XRRA1: variants seen among roughly 807,000 people sequenced by gnomAD.
XRRA1 encodes the protein X-ray radiation resistance-associated protein 1.
In XRRA1, 69 loss-of-function variants were observed where a neutral mutation model predicts 80.2. The ratio of observed to expected loss-of-function variants is 0.86; its 90% CI spans 0.71 to 1.05. The LOEUF (loss-of-function observed/expected upper bound fraction) is 1.05, where lower values mean the gene tolerates loss of function less well. Among genes scored for constraint, XRRA1 ranks in the 50% least tolerant of loss-of-function variants. The probability of loss-of-function intolerance (pLI) is 0.00; values close to 1 mark genes in which losing one functional copy is unlikely to be tolerated. For missense variants in XRRA1, 967 were observed against 976.4 expected, an observed-to-expected ratio of 0.99 and a Z score of 0.13; for synonymous variants, 348 against 389.9, an observed-to-expected ratio of 0.89 and a Z score of 1.27.
Position 74,906,299 on chromosome 11 carries a change from C to G in XRRA1, c.943G>C (p.Asp315His), listed in dbSNP as rs1040975536. The G allele has an allele frequency of 1.2e-5, 19 of 1,613,860 alleles. No homozygotes were observed. Among genetic ancestry groups the G allele is most frequent in the Non-Finnish European group, 1.6e-5 (19 of 1,179,884 alleles). The change falls in exon 10 of 19, where the codon GAC becomes CAC. Residue 315 changes from aspartate to histidine, a missense_variant. Asp to His is a moderately conservative substitution (Grantham distance 81). Coordinates refer to ENST00000684022, the MANE Select transcript of XRRA1 (RefSeq NM_001378157.1). ...GTATAATCCAGTTGCTCATCTGAGTCCTCAAGCATCCTTGGCTTGGACTGC... is the reference window on the plus strand; with the variant it reads ...GTATAATCCAGTTGCTCATCTGAGTGCTCAAGCATCCTTGGCTTGGACTGC... ...MLQSKPRMLE[D>H]SDEQLDYTVL... is the part of the protein sequence containing the mutation.
At position 74,841,549 on chromosome 11, in the gene XRRA1, C is replaced by T. The variant is rs568400291; in HGVS notation, c.*1651G>A. On this transcript the variant is annotated 3_prime_UTR_variant, in exon 19 of 19. Coordinates refer to ENST00000684022, the MANE Select transcript of XRRA1 (RefSeq NM_001378157.1). ...TTTTTCCTCTTAAGAAAAAAATTTA[C>T]TCTCTCTCCTTTGTGAGTAAATGCC... The T allele has an allele frequency of 2.6e-5, 4 of 152,234 alleles. No individual in the cohort carries two copies. Among genetic ancestry groups the T allele is most frequent in the African/African-American group, 9.6e-5 (4 of 41,540 alleles). The allele number at this position is 152,234 out of a possible 1,614,324, so 9.4% of individuals were successfully genotyped here.
chr11:74,884,307 C>T (rs929460580), intron 10 of XRRA1, among the ~76,000 whole-genome samples: 9 of 152,216 alleles, frequency 5.9e-5, no homozygotes, highest in African/African-American at 2.2e-4. Flanking sequence ...GCATGTCCAA[C>T]ATAGAGGCTC....
Position 74,920,004 on chromosome 11 carries a change from TG to T in XRRA1, c.656+1209del, listed in dbSNP as rs1464661314. 608 of 83,034 alleles carry T rather than the reference TG, an allele frequency of 7.3e-3. 8 individuals carry two copies. The Middle Eastern group carries it at 0.083, about 11-fold the overall frequency. 5.1% of individuals were successfully genotyped at this position (83,034 alleles called of 1,614,324 possible). A position where few individuals can be genotyped will look rare whatever the true frequency, so the allele number is the denominator to read the frequency against. On this transcript the variant is annotated intron_variant, in intron 8 of 18. Transcript: ENST00000684022. Reference sequence around the variant, plus strand: ...ACTATATCAAACAAAGTTATAAAACTGCAAAAAAAAAAAAAAAAATGAAGCC... The same window carrying T: ...ACTATATCAAACAAAGTTATAAAACTCAAAAAAAAAAAAAAAAATGAAGCC...
intron 10 of XRRA1, among the ~76,000 whole-genome samples, chr11:74,895,806 C>G (rs1239643520): frequency 1.3e-5 from 2 of 152,270 alleles, no homozygotes; most frequent in East Asian, 3.9e-4. Flanking sequence ...TTTCTAAACA[C>G]ACTCTTGGCC....
At chr11:74,879,563 C>T (rs1222802587) in intron 10 of XRRA1, among the ~76,000 whole-genome samples, 4 of 152,064 alleles carry the variant, frequency 2.6e-5, no homozygotes, top group African/African-American at 7.2e-5. Flanking sequence ...GGGAATGCTT[C>T]CAGTTTCTGC....
At chr11:74,887,944 C>T (rs1172275796) in intron 10 of XRRA1, among the ~76,000 whole-genome samples, 4 of 152,142 alleles carry the variant, frequency 2.6e-5, no homozygotes, top group South Asian at 2.1e-4. Flanking sequence ...CTGGGTAGAG[C>T]CCGCCGCAAC....
Position 74,845,395 on chromosome 11 carries a change from A to C in XRRA1, c.1729-124T>G, listed in dbSNP as rs879175372. The C allele has an allele frequency of 4.4e-6, 4 of 912,296 alleles. No individual in the cohort carries two copies. The South Asian group carries it at 7.0e-5, about 16-fold the overall frequency. The allele number at this position is 912,296 out of a possible 1,614,324, so 56.5% of individuals were successfully genotyped here. ...TGTTAAGGGCAAGGGTAAGACCAAG[A>C]CTGGGATGGAAGAAAGCAGATATAA... On this transcript the variant is annotated intron_variant, in intron 15 of 18. Transcript: ENST00000684022.
intron 4 of XRRA1, among the ~76,000 whole-genome samples, chr11:74,935,531 A>T (rs1565443271): frequency 6.6e-6 from 1 of 152,180 alleles, no homozygotes. Flanking sequence ...CAGATTTGAC[A>T]ACTATCTTGT....
intron 8 of XRRA1, chr11:74,910,107 A>G (rs538720350): frequency 6.6e-6 from 1 of 152,388 alleles, no homozygotes; most frequent in East Asian, 1.9e-4. Context: ...GGGCTGCAAC[A>G]AACAAGATGA....
chr11:74,910,159 T>C (rs960910043), intron 8 of XRRA1: 1 of 152,184 alleles, frequency 6.6e-6, no homozygotes, highest in Non-Finnish European at 1.5e-5. Context: ...TCAGATCAGC[T>C]TCTGTGTTAA....
chr11:74,931,138 G>GTT (rs1182654724), intron 5 of XRRA1, among the ~76,000 whole-genome samples: 1 of 151,268 alleles, frequency 6.6e-6, no homozygotes, highest in East Asian at 1.9e-4. Flanking sequence ...ATACGTGTGT[G>GTT]TGTGTGTGTG....
At chr11:74,872,815 CCTT>C (rs2045154289) in intron 10 of XRRA1, among the ~76,000 whole-genome samples, 1 of 152,138 alleles carries the variant, frequency 6.6e-6, no homozygotes, top group African/African-American at 2.4e-5. Context: ...GGAAGGTGGA[CCTT>C]CTTCTAGACA....
chr11:74,857,412 G>C (rs528623157), intron 12 of XRRA1, among the ~76,000 whole-genome samples: 1 of 150,738 alleles, frequency 6.6e-6, no homozygotes, highest in Non-Finnish European at 1.5e-5. Context: ...ATTTATAAAA[G>C]TATCCATACA....
At chr11:74,913,219 T>C (rs2056292568) in intron 8 of XRRA1, among the ~76,000 whole-genome samples, 1 of 152,202 alleles carries the variant, frequency 6.6e-6, no homozygotes, top group South Asian at 2.1e-4. Flanking sequence ...GGAACTTTTC[T>C]TCCCAATAGT....
At chr11:74,885,594 A>G (rs1473003584) in intron 10 of XRRA1, among the ~76,000 whole-genome samples, 1 of 152,204 alleles carries the variant, frequency 6.6e-6, no homozygotes, top group Non-Finnish European at 1.5e-5. Context: ...GCCAACCAAA[A>G]AAAGCCCAGG....
rs181908550 is a variant in XRRA1 at position 74,930,453 on chromosome 11, C to A, written c.352-81G>T. On this transcript the variant is annotated intron_variant, in intron 5 of 18. Coordinates refer to ENST00000684022, the MANE Select transcript of XRRA1 (RefSeq NM_001378157.1). ...AGAAGCCTTGCTGAAGCTTCAGGGC[C>A]ACTGTCAGAAGAAACAAAGACCTAA... The A allele has an allele frequency of 1.7e-3, 1,926 of 1,120,660 alleles. 9 individuals carry two copies. Among genetic ancestry groups the A allele is most frequent in the South Asian group, 7.5e-3 (517 of 68,808 alleles). 69.4% of individuals were successfully genotyped at this position (1,120,660 alleles called of 1,614,324 possible).
At chr11:74,844,346 T>G (rs2037422642) in intron 16 of XRRA1, 63 bp from the exon 17 acceptor site, 1 of 1,224,588 alleles carries the variant, frequency 8.2e-7, no homozygotes, top group East Asian at 2.3e-5. Flanking sequence ...ATGCCTCCCC[T>G]GATTGCTTCA....
At chr11:74,929,041 T>C (rs965848408) in intron 6 of XRRA1, among the ~76,000 whole-genome samples, 1 of 152,176 alleles carries the variant, frequency 6.6e-6, no homozygotes, top group Non-Finnish European at 1.5e-5. Context: ...TTGGCCTTTG[T>C]ATTTCCAGCC....
intron 12 of XRRA1, among the ~76,000 whole-genome samples, chr11:74,856,735 T>C (rs1201582376): frequency 6.6e-6 from 1 of 152,110 alleles, no homozygotes; most frequent in Non-Finnish European, 1.5e-5. Context: ...CCTTCCTCAG[T>C]GGTGTGAGCC....
Sources: allele counts gnomAD v4.1 joint callset (sites outside exome capture counted in the v4.1 genomes callset), GRCh38; gene constraint gnomAD v4.1.1; transcripts MANE v1.5; gene names NCBI Gene and HGNC (gene_info 2026-07-23, HGNC 2026-07-21).